SLC9A2: variants seen among roughly 807,000 people sequenced by gnomAD.
The protein encoded by SLC9A2 is solute carrier family 9 member A2.
Under a neutral mutation model 71.7 loss-of-function variants are expected in SLC9A2, and 42 were observed. The observed-to-expected ratio is 0.59, with a 90% CI of 0.46 to 0.76. SLC9A2 has a LOEUF of 0.76. Among genes scored for constraint, SLC9A2 ranks in the 30% least tolerant of loss-of-function variants. SLC9A2 has a pLI of 0.00. For synonymous variants in SLC9A2, 396 were observed against 392.5 expected, an observed-to-expected ratio of 1.01 and a Z score of -0.10; for missense variants, 829 against 1,017.4, an observed-to-expected ratio of 0.81 and a Z score of 2.52.
chr2:102,679,530 C>T lies in SLC9A2; in HGVS notation c.1005-3731C>T, dbSNP rs914528514. On this transcript the variant is annotated intron_variant, in intron 3 of 11. Transcript: ENST00000233969. ...CCAAGTAGCTGGGACTACAGGTGTC[C>T]GCCACCACACCCAGCTAATTTTTTT... Among the ~76,000 whole-genome samples the T allele has an allele frequency of 6.6e-5, 10 of 151,794 alleles. 1 individual carries two copies. The highest frequency in any genetic ancestry group is 4.2e-4 in the South Asian group (2 of 4,804).
At position 102,711,106 on chromosome 2, in the gene SLC9A2, G is replaced by GTGTA. The variant is rs1162548311; in HGVS notation, c.*2618_*2621dup. The GTGTA allele has an allele frequency of 6.6e-6, 1 of 152,274 alleles. No homozygotes were observed. The highest frequency in any genetic ancestry group is 2.4e-5 in the African/African-American group (1 of 41,428). 9.4% of individuals were successfully genotyped at this position (152,274 alleles called of 1,614,324 possible). A position where few individuals can be genotyped will look rare whatever the true frequency, so the allele number is the denominator to read the frequency against. ...AGCTTTTGCTCAGCTTTATGGTGGG[G>GTGTA]TGTACTGTTTTATCTGGGCGGTGAG... On this transcript the variant is annotated 3_prime_UTR_variant, in exon 12 of 12. Coordinates refer to ENST00000233969, the MANE Select transcript of SLC9A2 (RefSeq NM_003048.6).
chr2:102,643,477 G>A (rs923547791), intron 1 of SLC9A2, among the ~76,000 whole-genome samples: 4 of 152,270 alleles, frequency 2.6e-5, no homozygotes, highest in African/African-American at 9.6e-5. Flanking sequence ...GATAAAGCCG[G>A]CTATTGTTGG....
intron 1 of SLC9A2, among the ~76,000 whole-genome samples, chr2:102,633,015 C>G (rs1482170573): frequency 6.6e-6 from 1 of 152,110 alleles, no homozygotes; most frequent in African/African-American, 2.4e-5. Flanking sequence ...ACCAGTGGTG[C>G]ATTTTCTTGT....
At chr2:102,646,869 A>G (rs544537103) in intron 1 of SLC9A2, among the ~76,000 whole-genome samples, 1 of 151,586 alleles carries the variant, frequency 6.6e-6, no homozygotes, top group East Asian at 1.9e-4. Context: ...ATACAATAAT[A>G]GTGGGAAACT....
chr2:102,635,633 A>G (rs1676455106), intron 1 of SLC9A2, among the ~76,000 whole-genome samples: 3 of 152,232 alleles, frequency 2.0e-5, no homozygotes, highest in Admixed American at 6.5e-5. Flanking sequence ...TGTCACTTAC[A>G]ACGTATATAG....
At chr2:102,669,524 T>C (rs1658603236) in intron 3 of SLC9A2, among the ~76,000 whole-genome samples, 1 of 152,164 alleles carries the variant, frequency 6.6e-6, no homozygotes, top group Admixed American at 6.5e-5. Flanking sequence ...AAAGTTTCCA[T>C]AGCCCCTTAA....
chr2:102,673,770 A>G (rs1438525486), intron 3 of SLC9A2, among the ~76,000 whole-genome samples: 1 of 151,914 alleles, frequency 6.6e-6, no homozygotes, highest in Non-Finnish European at 1.5e-5. Flanking sequence ...GAAATGTATA[A>G]TTGCTGAGAA....
intron 5 of SLC9A2, among the ~76,000 whole-genome samples, chr2:102,689,297 A>G (rs1432243538): frequency 1.3e-5 from 2 of 152,216 alleles, no homozygotes; most frequent in Non-Finnish European, 2.9e-5. Flanking sequence ...GGGTGACCTT[A>G]CTTCATTTCT....
In SLC9A2 at chr2:102,619,823, C is replaced by T. The variant is rs1676099477; in HGVS notation, c.-26C>T. 4 of 1,467,024 alleles carry T rather than the reference C, an allele frequency of 2.7e-6. No homozygotes were observed. The South Asian group carries it at 4.3e-5, about 16-fold the overall frequency. The allele number at this position is 1,467,024 out of a possible 1,614,324, so 90.9% of individuals were successfully genotyped here. ...AGCGCTCGGAGGGCCAACCGCCGGT[C>T]CCCTTGGCGGCAACCGGCGGCACCC... On this transcript the variant is annotated 5_prime_UTR_variant, in exon 1 of 12. Transcript: ENST00000233969. This position sits in a 1 kb window ranked among gnomAD's most constrained non-coding sequence, Gnocchi z 4.3.
At chr2:102,651,321 G>A (rs1456018818) in intron 1 of SLC9A2, among the ~76,000 whole-genome samples, 2 of 152,156 alleles carry the variant, frequency 1.3e-5, no homozygotes, top group Non-Finnish European at 2.9e-5. Flanking sequence ...ACCAACTTCT[G>A]TCCCAGGGCC....
chr2:102,694,388 A>T (rs1338622959), intron 5 of SLC9A2, 26 bp from the exon 6 acceptor site: 2 of 1,016,636 alleles, frequency 2.0e-6, no homozygotes, highest in Non-Finnish European at 2.8e-6. Flanking sequence ...TATATATGAA[A>T]TGCTTAAATT....
intron 3 of SLC9A2, among the ~76,000 whole-genome samples, chr2:102,679,043 C>T (rs756016958): frequency 1.8e-4 from 27 of 152,092 alleles, no homozygotes; most frequent in Non-Finnish European, 3.5e-4. Context: ...CTTGAGAGGC[C>T]AGGTGACTCA....
intron 8 of SLC9A2, 80 bp from the exon 9 acceptor site, chr2:102,702,326 T>A (rs1020383969): frequency 6.8e-5 from 53 of 779,810 alleles, no homozygotes; most frequent in Non-Finnish European, 9.4e-5. Flanking sequence ...TTGTCTTAAA[T>A]ACTTATATCT....
intron 7 of SLC9A2, among the ~76,000 whole-genome samples, chr2:102,695,782 A>AT (rs1677747228): frequency 4.8e-5 from 1 of 20,682 alleles, no homozygotes; most frequent in African/African-American, 1.4e-4. Flanking sequence ...TATATATTAT[A>AT]TATATATTAT....
chr2:102,654,339 T>C (rs1301891777), intron 1 of SLC9A2, among the ~76,000 whole-genome samples: 2 of 151,934 alleles, frequency 1.3e-5, no homozygotes, highest in African/African-American at 4.8e-5. Flanking sequence ...TCCTCATTTA[T>C]CAGTGAGGTC....
chr2:102,676,810 C>G (rs1246593076), intron 3 of SLC9A2, among the ~76,000 whole-genome samples: 1 of 152,160 alleles, frequency 6.6e-6, no homozygotes, highest in African/African-American at 2.4e-5. Context: ...ACAGAAAAAG[C>G]TTTTTAATTG....
intron 1 of SLC9A2, among the ~76,000 whole-genome samples, chr2:102,638,169 A>C (rs1330101011): frequency 1.4e-5 from 2 of 138,574 alleles, no homozygotes; most frequent in Non-Finnish European, 3.1e-5. Context: ...CGTGGCCTGC[A>C]AGCTTGCAAA....
intron 1 of SLC9A2, among the ~76,000 whole-genome samples, chr2:102,621,352 GA>G (rs768118079): frequency 0.013 from 1,475 of 109,508 alleles, 14 homozygotes; most frequent in Middle Eastern, 0.05. Context: ...TTGTCTCAGG[GA>G]AAAAAAAAAA....
chr2:102,648,864 C>T (rs1324707588), intron 1 of SLC9A2, among the ~76,000 whole-genome samples: 1 of 152,202 alleles, frequency 6.6e-6, no homozygotes, highest in African/African-American at 2.4e-5. Context: ...ACATTCCATG[C>T]TCATGGATAG....
Sources: allele counts gnomAD v4.1 joint callset (sites outside exome capture counted in the v4.1 genomes callset), GRCh38; gene constraint gnomAD v4.1.1; non-coding constraint Gnocchi (gnomAD v3.1); transcripts MANE v1.5; gene names NCBI Gene and HGNC (gene_info 2026-07-23, HGNC 2026-07-21).